TMEM120B: variants seen among roughly 807,000 people sequenced by gnomAD.
TMEM120B encodes the protein transmembrane protein 120B.
TMEM120B carries 31 observed loss-of-function variants against 55.5 expected under a neutral mutation model. That is an observed-to-expected ratio of 0.56 (90% CI 0.42 to 0.75). The LOEUF (loss-of-function observed/expected upper bound fraction) is 0.75. TMEM120B is among the 30% of genes least tolerant of loss of function. The probability of loss-of-function intolerance (pLI) is 0.00; values close to 1 mark genes in which losing one functional copy is unlikely to be tolerated. For missense variants in TMEM120B, 399 were observed against 425.5 expected (o/e 0.94, Z 0.55); for synonymous variants, 203 against 176.3 (o/e 1.15, Z -1.20).
intron 5 of TMEM120B, chr12:121,758,213 T>C (rs1287272344): frequency 1.0e-6 from 1 of 985,344 alleles, no homozygotes; most frequent in African/African-American, 1.7e-5. Flanking sequence ...CTCACAGAGT[T>C]CTTTTCCCTG....
intron 2 of TMEM120B, among the ~76,000 whole-genome samples, chr12:121,744,404 A>G (rs377055783): frequency 3.9e-5 from 6 of 152,324 alleles, no homozygotes; most frequent in East Asian, 3.9e-4. Context: ...TGGGAGAAGA[A>G]GATAAGTAGT....
chr12:121,743,684 T>C lies in TMEM120B; in HGVS notation c.125T>C (p.Leu42Pro), dbSNP rs772920163. ...KLEELAALQT[L>P]CSSSISKQKK... ...GAGGAGCTGGCTGCGCTGCAGACGC[T>C]GTGTAGCAGTTCCATCAGTAAGCAG... is the stretch of plus-strand genomic sequence containing the variant. The change falls in exon 2 of 12, where the codon CTG becomes CCG. Residue 42 changes from leucine (L) to proline (P), a missense_variant. Coordinates refer to ENST00000449592, the MANE Select transcript of TMEM120B (RefSeq NM_001080825.2). 27 of 1,613,516 alleles carry C rather than the reference T, an allele frequency of 1.7e-5. No individual in the cohort carries two copies. Among genetic ancestry groups the C allele is most frequent in the Middle Eastern group, 3.3e-4 (2 of 6,008 alleles).
At chr12:121,717,815 T>A (rs2720029) in intron 1 of TMEM120B, among the ~76,000 whole-genome samples, 1 of 152,042 alleles carries the variant, frequency 6.6e-6, no homozygotes, top group East Asian at 1.9e-4. Flanking sequence ...GTGCCACCAC[T>A]CCTGGCTAAT....
At chr12:121,754,566 TG>T (rs1462878068) in intron 5 of TMEM120B, among the ~76,000 whole-genome samples, 1 of 152,184 alleles carries the variant, frequency 6.6e-6, no homozygotes, top group Non-Finnish European at 1.5e-5. Context: ...CTCCAGCTTC[TG>T]GGAATTGCCA....
chr12:121,769,116 A>G lies in TMEM120B; in HGVS notation c.552-1791A>G, dbSNP rs974874572. On this transcript the variant is annotated intron_variant, in intron 6 of 11. Transcript: ENST00000449592. Reference sequence around the variant, plus strand: ...AGCCAAGAATGTGCCATTGCACTCCAGCCTGGGCAATAGAGCAAGACTGTC... The same window carrying G: ...AGCCAAGAATGTGCCATTGCACTCCGGCCTGGGCAATAGAGCAAGACTGTC... 4.0e-5 allele frequency among the ~76,000 whole-genome samples: 6 copies of G among 149,784 alleles called. No homozygotes were observed. The Admixed American group carries it at 4.1e-4, about 10-fold the overall frequency.
In TMEM120B at chr12:121,774,918, C is replaced by T. The variant is rs183907645; in HGVS notation, c.838-144C>T. 2.6e-3 allele frequency: 2,831 copies of T among 1,107,712 alleles called. 19 individuals carry two copies. The Middle Eastern group carries it at 0.027, about 10-fold the overall frequency. 68.6% of individuals were successfully genotyped at this position (1,107,712 alleles called of 1,614,324 possible). A position where few individuals can be genotyped will look rare whatever the true frequency, so the allele number is the denominator to read the frequency against. On this transcript the variant is annotated intron_variant, in intron 10 of 11. Coordinates refer to ENST00000449592, the MANE Select transcript of TMEM120B (RefSeq NM_001080825.2). ...CCTAGCTCTGCCCTGGCCTCGGGTG[C>T]CTGCATTTCATTTTGGGGGTGTCTG... is the stretch of plus-strand genomic sequence containing the variant.
chr12:121,775,636 A>T lies in TMEM120B; in HGVS notation c.934A>T (p.Ile312Phe). The T allele has an allele frequency of 6.2e-7, 1 of 1,613,822 alleles. No homozygotes were observed. The highest frequency in any genetic ancestry group is 8.5e-7 in the Non-Finnish European group (1 of 1,179,844). ...QVFVLAFTFL[I>F]LFLGNFLTTL... ...GTTCGTACTGGCGTTCACCTTCCTC[A>T]TCCTCTTCCTCGGCAACTTCCTGAC... Residue 312 changes from isoleucine to phenylalanine, a missense_variant, in exon 12 of 12, where the codon ATC becomes TTC. This residue lies in a region of TMEM120B where 260 missense variants were observed against 303.9 expected (regional missense o/e 0.86). Transcript: ENST00000449592. The surrounding 1 kb of genome is among the most constrained non-coding windows in gnomAD (Gnocchi z 4.3).
rs541294519 is a variant in TMEM120B at position 121,717,778 on chromosome 12, C to T, written c.69+4814C>T. On this transcript the variant is annotated intron_variant, in intron 1 of 11. Coordinates refer to ENST00000449592, the MANE Select transcript of TMEM120B (RefSeq NM_001080825.2). ...GTTCAAGCGATTCTCCTGCCTCAGCCTCCCGAGTAGCTGGGATTACAGATG... is the reference window on the plus strand; with the variant it reads ...GTTCAAGCGATTCTCCTGCCTCAGCTTCCCGAGTAGCTGGGATTACAGATG... Among the ~76,000 whole-genome samples, 6 of 152,314 alleles carry T rather than the reference C, an allele frequency of 3.9e-5. No homozygotes were observed. The East Asian group carries it at 1.2e-3, about 29-fold the overall frequency.
At chr12:121,769,531 C>A (rs1440924878) in intron 6 of TMEM120B, among the ~76,000 whole-genome samples, 4 of 151,476 alleles carry the variant, frequency 2.6e-5, no homozygotes, top group Non-Finnish European at 4.4e-5. Context: ...CATAGCAAGA[C>A]CCTGTCTCTA....
At chr12:121,714,223 T>G (rs1355705882) in intron 1 of TMEM120B, among the ~76,000 whole-genome samples, 2 of 152,152 alleles carry the variant, frequency 1.3e-5, no homozygotes, top group African/African-American at 4.8e-5. Context: ...TTGGCTCCAC[T>G]CCCACGGAGA....
At chr12:121,743,419 G>A (rs529891445) in intron 1 of TMEM120B, among the ~76,000 whole-genome samples, 4 of 151,596 alleles carry the variant, frequency 2.6e-5, no homozygotes, top group South Asian at 4.2e-4. Context: ...TTAGCTGGGC[G>A]TAGTTGTGGG....
intron 5 of TMEM120B, chr12:121,759,051 G>T: frequency 2.0e-6 from 2 of 983,192 alleles, no homozygotes; most frequent in South Asian, 9.4e-5. Flanking sequence ...TTTACAGATG[G>T]TTTAAGGGGA....
rs533970463 is a variant in TMEM120B at position 121,729,777 on chromosome 12, C to T, written c.70-13852C>T. ...TTGTGCCACTGCACCGCAGCCTGGG[C>T]GACAGAGAGCGATCCCGTCTTTTAA... On this transcript the variant is annotated intron_variant, in intron 1 of 11. Transcript: ENST00000449592. Among the ~76,000 whole-genome samples the T allele has an allele frequency of 8.5e-5, 13 of 152,084 alleles. No homozygotes were observed. In the South Asian group the frequency reaches 1.7e-3, roughly 19 times the overall value.
chr12:121,765,744 C>T (rs1253232542), intron 6 of TMEM120B, among the ~76,000 whole-genome samples: 1 of 152,222 alleles, frequency 6.6e-6, no homozygotes, highest in African/African-American at 2.4e-5. Flanking sequence ...ACTTGTGACT[C>T]ATCTTCCACA....
chr12:121,719,131 C>T (rs923792721), intron 1 of TMEM120B, among the ~76,000 whole-genome samples: 13 of 152,088 alleles, frequency 8.5e-5, no homozygotes, highest in African/African-American at 3.1e-4. Context: ...TTGGCCAGGT[C>T]ACGGTCACAT....
intron 1 of TMEM120B, among the ~76,000 whole-genome samples, chr12:121,736,369 C>T (rs762460938): frequency 2.7e-5 from 4 of 150,370 alleles, no homozygotes; most frequent in South Asian, 4.2e-4. Context: ...GGGGTTTTAC[C>T]ATGTTAGCCA....
chr12:121,732,550 A>G (rs1281520570), intron 1 of TMEM120B, among the ~76,000 whole-genome samples: 4 of 152,312 alleles, frequency 2.6e-5, no homozygotes, highest in South Asian at 4.1e-4. Context: ...CCAGTGGAAC[A>G]TTAGAAAAGT....
chr12:121,727,391 C>T (rs1283363419), intron 1 of TMEM120B, among the ~76,000 whole-genome samples: 1 of 151,620 alleles, frequency 6.6e-6, no homozygotes, highest in Non-Finnish European at 1.5e-5. Context: ...AAAAAATGAG[C>T]CAGGCATGGT....
intron 8 of TMEM120B, 96 bp downstream of exon 8, chr12:121,771,645 G>C: frequency 2.4e-6 from 3 of 1,274,160 alleles, no homozygotes; most frequent in Non-Finnish European, 3.4e-6. Flanking sequence ...GTGCTTGCCT[G>C]TGTGGCAGGG....
Sources: allele counts gnomAD v4.1 joint callset (sites outside exome capture counted in the v4.1 genomes callset), GRCh38; gene constraint gnomAD v4.1.1; regional missense constraint gnomAD v4.1.1; non-coding constraint Gnocchi (gnomAD v3.1); transcripts MANE v1.5; gene names NCBI Gene and HGNC (gene_info 2026-07-23, HGNC 2026-07-21).